Variants in PIK3C2G observed in about 807,000 individuals in gnomAD.
PIK3C2G encodes the protein phosphatidylinositol 3-kinase C2 domain-containing subunit gamma.
In PIK3C2G, 168 loss-of-function variants were observed where a neutral mutation model predicts 181.1. The observed-to-expected ratio is 0.93, with a 90% CI of 0.82 to 1.05. The LOEUF (loss-of-function observed/expected upper bound fraction) is 1.05. Ranked by LOEUF, PIK3C2G falls within the 50% of genes least tolerant of loss-of-function variation. PIK3C2G has a pLI of 0.00. For missense variants in PIK3C2G, 1,869 were observed against 1,732.8 expected, an observed-to-expected ratio of 1.08 and a Z score of -1.40; for synonymous variants, 573 against 592.2, an observed-to-expected ratio of 0.97 and a Z score of 0.47.
chr12:18,295,020 G>A (rs7971113), intron 5 of PIK3C2G, among the ~76,000 whole-genome samples: 18,107 of 150,088 alleles, frequency 0.12, 1,889 homozygotes, highest in African/African-American at 0.28. Context: ...TTTCCTTTTT[G>A]TGGGAAAAAT....
the PIK3C2G span, chr12:18,723,310 C>T: frequency 1.2e-6 from 2 of 1,607,330 alleles, no homozygotes; most frequent in Non-Finnish European, 8.5e-7. Flanking sequence ...TGCAAACATA[C>T]CTTCTTCGAT....
intron 18 of PIK3C2G, among the ~76,000 whole-genome samples, chr12:18,446,127 T>A (rs1352995596): frequency 6.6e-6 from 1 of 152,176 alleles, no homozygotes; most frequent in Non-Finnish European, 1.5e-5. Flanking sequence ...CCCATATCTT[T>A]TTATATAAAC....
At chr12:18,695,200 C>G in the PIK3C2G span, 1 of 936,350 alleles carries the variant, frequency 1.1e-6, no homozygotes, top group South Asian at 1.5e-5. Context: ...GAGCAAGTAT[C>G]ATTAGCCTAA....
Position 18,325,010 on chromosome 12 carries a change from A to G in PIK3C2G, c.1209-25A>G, listed in dbSNP as rs776566334. 7 of 1,308,530 alleles carry G rather than the reference A, an allele frequency of 5.3e-6. No individual in the cohort carries two copies. The South Asian group carries it at 6.6e-5, about 12-fold the overall frequency. The allele number at this position is 1,308,530 out of a possible 1,614,324, so 81.1% of individuals were successfully genotyped here. A position where few individuals can be genotyped will look rare whatever the true frequency, so the allele number is the denominator to read the frequency against. ...TAAGTTTTCCCACCCAATTTTAAAC[A>G]AAGTTTCTATTTTTTATTTTCCAGA... On this transcript the variant is annotated intron_variant, in intron 7 of 32. Coordinates refer to ENST00000538779, the MANE Select transcript of PIK3C2G (RefSeq NM_001288772.2).
intron 24 of PIK3C2G, among the ~76,000 whole-genome samples, chr12:18,536,477 A>T (rs1396812567): frequency 6.6e-6 from 1 of 152,078 alleles, no homozygotes; most frequent in Non-Finnish European, 1.5e-5. Context: ...GAACTACTAT[A>T]GTTAAGTGGT....
At chr12:18,604,010 A>G (rs1231051531) in intron 30 of PIK3C2G, among the ~76,000 whole-genome samples, 1 of 152,208 alleles carries the variant, frequency 6.6e-6, no homozygotes, top group Non-Finnish European at 1.5e-5. Context: ...TACACAGGCA[A>G]CAAAGAGCAT....
chr12:18,418,485 G>A (rs1945300802), intron 16 of PIK3C2G, among the ~76,000 whole-genome samples: 1 of 152,144 alleles, frequency 6.6e-6, no homozygotes, highest in African/African-American at 2.4e-5. Flanking sequence ...AGATTGCAGT[G>A]TGTACTAAAG....
At chr12:18,690,664 G>A in the PIK3C2G span, among the ~76,000 whole-genome samples, 4 of 152,164 alleles carry the variant, frequency 2.6e-5, no homozygotes, top group Admixed American at 6.6e-5. Flanking sequence ...GCTATGAAAA[G>A]AAGCACAGCT....
chr12:18,510,652 A>C (rs1387999035), intron 24 of PIK3C2G, among the ~76,000 whole-genome samples: 1 of 152,162 alleles, frequency 6.6e-6, no homozygotes, highest in Non-Finnish European at 1.5e-5. Context: ...CAATATGACC[A>C]GTGTTTAAGG....
chr12:18,563,452 C>CTTCACAGCCAACTTCAGAAG lies in PIK3C2G; in HGVS notation c.3857_3876dup (p.Gln1293PhefsTer12). 1 of 1,613,790 alleles carries CTTCACAGCCAACTTCAGAAG rather than the reference C, an allele frequency of 6.2e-7. No homozygotes were observed. Among genetic ancestry groups the CTTCACAGCCAACTTCAGAAG allele is most frequent in the Non-Finnish European group, 8.5e-7 (1 of 1,179,738 alleles). ...AAAATCATTTGAGCAGTTTTCAAAA[C>CTTCACAGCCAACTTCAGAAG]TTCACAGCCAACTTCAGAAGCAGTT... On this transcript the variant is annotated frameshift_variant, in exon 28 of 33. Transcript: ENST00000538779. LOFTEE classifies it high-confidence loss of function.
chr12:18,276,195 C>T (rs533104285), intron 1 of PIK3C2G, among the ~76,000 whole-genome samples: 2 of 152,292 alleles, frequency 1.3e-5, no homozygotes, highest in African/African-American at 4.8e-5. Flanking sequence ...ATGCAGCCCC[C>T]AGCAAGTGTC....
intron 12 of PIK3C2G, among the ~76,000 whole-genome samples, chr12:18,370,500 C>T (rs558520437): frequency 6.6e-6 from 1 of 152,254 alleles, no homozygotes; most frequent in East Asian, 1.9e-4. Context: ...GAATGGTCCA[C>T]ATTTAAAATG....
chr12:18,603,612 T>G (rs1947848543), intron 30 of PIK3C2G, among the ~76,000 whole-genome samples: 1 of 152,132 alleles, frequency 6.6e-6, no homozygotes, highest in Non-Finnish European at 1.5e-5. Flanking sequence ...TCTTAAGACC[T>G]GTGAGACAGA....
intron 1 of PIK3C2G, among the ~76,000 whole-genome samples, chr12:18,278,628 C>T (rs1039460140): frequency 1.3e-5 from 2 of 152,114 alleles, no homozygotes; most frequent in African/African-American, 4.8e-5. Context: ...ATCAGGGACT[C>T]TTAGACATGC....
chr12:18,589,421 A>C (rs1471164087), intron 29 of PIK3C2G, among the ~76,000 whole-genome samples: 3 of 151,758 alleles, frequency 2.0e-5, no homozygotes, highest in Admixed American at 6.6e-5. Context: ...AAGAGTGTGC[A>C]GAGAAATGTA....
intron 29 of PIK3C2G, among the ~76,000 whole-genome samples, chr12:18,588,059 C>T (rs935297676): frequency 6.6e-6 from 1 of 152,032 alleles, no homozygotes; most frequent in African/African-American, 2.4e-5. Flanking sequence ...ACGCAGAAGA[C>T]TGAAACTGGA....
At chr12:18,400,761 G>A (rs1027373577) in intron 16 of PIK3C2G, among the ~76,000 whole-genome samples, 1 of 152,024 alleles carries the variant, frequency 6.6e-6, no homozygotes, top group African/African-American at 2.4e-5. Context: ...AGTCACCCAA[G>A]CTCGAAATTT....
chr12:18,462,512 C>T (rs1034562362), intron 18 of PIK3C2G, among the ~76,000 whole-genome samples: 1 of 152,102 alleles, frequency 6.6e-6, no homozygotes, highest in Non-Finnish European at 1.5e-5. Flanking sequence ...TTTGCATTAT[C>T]TCGACTATCT....
intron 2 of PIK3C2G, among the ~76,000 whole-genome samples, chr12:18,283,023 T>C (rs1483975572): frequency 1.3e-5 from 2 of 152,166 alleles, no homozygotes; most frequent in African/African-American, 4.8e-5. Flanking sequence ...GTTTTAGTTA[T>C]GGTACCTTCA....
Sources: allele counts gnomAD v4.1 joint callset (sites outside exome capture counted in the v4.1 genomes callset), GRCh38; gene constraint gnomAD v4.1.1; transcripts MANE v1.5; gene names NCBI Gene and HGNC (gene_info 2026-07-23, HGNC 2026-07-21).